ADGRG6: variants seen among roughly 807,000 people sequenced by gnomAD.
ADGRG6 encodes the protein G-protein coupled receptor 126.
ADGRG6 carries 84 observed loss-of-function variants against 142.4 expected under a neutral mutation model. That is an observed-to-expected ratio of 0.59 (90% CI 0.49 to 0.71). The LOEUF is 0.71. Ranked by LOEUF, ADGRG6 falls within the 30% of genes least tolerant of loss-of-function variation. ADGRG6 has a pLI of 0.00. For missense variants in ADGRG6, 1,367 were observed against 1,466.6 expected, an observed-to-expected ratio of 0.93 and a Z score of 1.11; for synonymous variants, 521 against 520.5, an observed-to-expected ratio of 1.00 and a Z score of -0.01.
Position 142,381,942 on chromosome 6 carries a change from T to A in ADGRG6, c.1070-9T>A, listed in dbSNP as rs1343206172. 1.3e-5 allele frequency: 21 copies of A among 1,556,440 alleles called. No individual in the cohort carries two copies. Among genetic ancestry groups the A allele is most frequent in the Non-Finnish European group, 1.8e-5 (20 of 1,135,672 alleles). ...ATCAAACTTACATATTCTTTTTGTG[T>A]TGATCAAGGTTCCTACCTGATCCCG... On this transcript the variant is annotated splice_polypyrimidine_tract_variant and intron_variant, in intron 4 of 24. Transcript: ENST00000367609.
rs1181314373 is a variant in ADGRG6, at chr6:142,338,017, G to GTTTTTTTTT, written c.103+28386_103+28394dup. On this transcript the variant is annotated intron_variant, in intron 2 of 24. Transcript: ENST00000367609. The stretch of plus-strand genomic sequence containing the variant: ...AATCCTTTTTATGCCTTGTATCTTT[G>GTTTTTTTTT]TTTTTTTTTTTTTTTTTTTTTGAGA... Among the ~76,000 whole-genome samples the GTTTTTTTTT allele has an allele frequency of 8.8e-4, 31 of 35,388 alleles. 11 individuals are homozygous for GTTTTTTTTT. The highest frequency in any genetic ancestry group is 1.2e-3 in the Non-Finnish European group (26 of 21,222). 23.2% of individuals were successfully genotyped at this position (35,388 alleles called of 152,430 possible).
intron 2 of ADGRG6, among the ~76,000 whole-genome samples, chr6:142,314,421 G>A (rs73578314): frequency 0.024 from 3,599 of 152,204 alleles, 146 homozygotes; most frequent in African/African-American, 0.082. Flanking sequence ...GTCATAATGT[G>A]GAGAGGGTTG....
chr6:142,352,799 T>C (rs575901128), intron 2 of ADGRG6, among the ~76,000 whole-genome samples: 179 of 151,860 alleles, frequency 1.2e-3, no homozygotes, highest in African/African-American at 4.1e-3. Context: ...AGTTCTCCCC[T>C]TTTTTTTGCT....
chr6:142,397,706 G>A lies in ADGRG6; in HGVS notation c.1518G>A (p.Glu506=). ...IIQQKLLKNN[E]SLDEGLRLHT... is the part of the protein sequence containing the mutation. The stretch of plus-strand genomic sequence containing the variant: ...AGCAGAAGCTCCTAAAAAATAATGA[G>A]TCCTTGGATGAAGGCTTGAGGCTAC... The change falls in exon 10 of 25, where the codon GAG becomes GAA. Residue 506 remains glutamate (E), a synonymous_variant. Transcript: ENST00000367609. 6.2e-7 allele frequency: 1 copy of A among 1,608,200 alleles called. No individual in the cohort carries two copies. Among genetic ancestry groups the A allele is most frequent in the Non-Finnish European group, 8.5e-7 (1 of 1,176,992 alleles).
intron 2 of ADGRG6, among the ~76,000 whole-genome samples, chr6:142,335,816 G>A (rs1186342194): frequency 6.6e-6 from 1 of 152,104 alleles, no homozygotes; most frequent in African/African-American, 2.4e-5. Flanking sequence ...ACTTAATGAT[G>A]TAAGAAGAAA....
intron 2 of ADGRG6, among the ~76,000 whole-genome samples, chr6:142,341,547 A>AT (rs1779641771): frequency 8.2e-6 from 1 of 122,052 alleles, no homozygotes; most frequent in Non-Finnish European, 1.6e-5. Flanking sequence ...AGTATATAAT[A>AT]TATAGTATAT....
At chr6:142,357,190 G>A (rs1780486164) in intron 2 of ADGRG6, among the ~76,000 whole-genome samples, 1 of 152,196 alleles carries the variant, frequency 6.6e-6, no homozygotes, top group Admixed American at 6.5e-5. Context: ...ACTTTTTAAA[G>A]TTCATTTTCA....
intron 2 of ADGRG6, among the ~76,000 whole-genome samples, chr6:142,347,113 G>T (rs974068260): frequency 5.3e-5 from 8 of 152,106 alleles, no homozygotes; most frequent in Non-Finnish European, 1.0e-4. Context: ...ATGTATGGAT[G>T]TATATATGAA....
At chr6:142,388,665 G>C (rs1238194324) in intron 6 of ADGRG6, among the ~76,000 whole-genome samples, 2 of 152,044 alleles carry the variant, frequency 1.3e-5, no homozygotes, top group Non-Finnish European at 2.9e-5. Flanking sequence ...TTATAATAAA[G>C]TGTTGAATAT....
At chr6:142,411,019 A>G (rs565579175) in intron 17 of ADGRG6, among the ~76,000 whole-genome samples, 33 of 152,262 alleles carry the variant, frequency 2.2e-4, no homozygotes, top group African/African-American at 7.2e-4. Context: ...GTGGAAGTTC[A>G]TTTTAAAATA....
chr6:142,408,293 T>A (rs759811651), intron 16 of ADGRG6, 24 bp downstream of exon 16: 15 of 1,534,602 alleles, frequency 9.8e-6, no homozygotes, highest in Non-Finnish European at 1.3e-5. Context: ...CCCAATAGCA[T>A]TTGGACAGAA....
intron 4 of ADGRG6, 123 bp downstream of exon 4, chr6:142,370,916 A>T: frequency 1.1e-6 from 1 of 946,606 alleles, no homozygotes; most frequent in South Asian, 1.5e-5. Context: ...ATATAGACAT[A>T]TATATATATG....
chr6:142,370,882 A>G, intron 4 of ADGRG6, 89 bp downstream of exon 4: 1 of 1,206,350 alleles, frequency 8.3e-7, no homozygotes, highest in Non-Finnish European at 1.2e-6. Context: ...ATACACACAA[A>G]TGTACCTGTA....
intron 2 of ADGRG6, among the ~76,000 whole-genome samples, chr6:142,344,529 A>G (rs960302906): frequency 9.2e-5 from 14 of 152,080 alleles, no homozygotes; most frequent in African/African-American, 3.4e-4. Context: ...AAGGCTTCTG[A>G]TTTCTAGGAT....
rs1554254145 is a variant in ADGRG6 at position 142,420,120 on chromosome 6, C to A, written c.3319+16C>A. 6.3e-7 allele frequency: 1 copy of A among 1,581,884 alleles called. No individual in the cohort carries two copies. The highest frequency in any genetic ancestry group is 8.7e-7 in the Non-Finnish European group (1 of 1,153,636). ...TCATTACAAGGTAAGATAAATTGTA[C>A]ATGAATAGTCTCTGCTTTCTAATTT... On this transcript the variant is annotated intron_variant, in intron 22 of 24. Coordinates refer to ENST00000367609, the MANE Select transcript of ADGRG6 (RefSeq NM_198569.3).
At chr6:142,323,778 G>A (rs1778630921) in intron 2 of ADGRG6, among the ~76,000 whole-genome samples, 1 of 151,928 alleles carries the variant, frequency 6.6e-6, no homozygotes, top group Non-Finnish European at 1.5e-5. Context: ...GAATGTGTCT[G>A]GGAAAGGTAC....
intron 4 of ADGRG6, 111 bp downstream of exon 4, chr6:142,370,904 A>G (rs768366928): frequency 1.0e-6 from 1 of 993,498 alleles, no homozygotes; most frequent in Non-Finnish European, 1.5e-6. Flanking sequence ...GTATATTCAC[A>G]CATATAGACA....
chr6:142,323,610 C>T (rs113066487), intron 2 of ADGRG6, among the ~76,000 whole-genome samples: 2,226 of 152,126 alleles, frequency 0.015, 48 homozygotes, highest in African/African-American at 0.05. Context: ...TAGGTGATTT[C>T]GTCACTGTGC....
At chr6:142,425,878 T>G (rs1339652231) in intron 22 of ADGRG6, among the ~76,000 whole-genome samples, 1 of 152,098 alleles carries the variant, frequency 6.6e-6, no homozygotes, top group East Asian at 1.9e-4. Context: ...AAGAGAGAGT[T>G]TGTGCAGAAA....
Sources: gnomAD v4.1 joint callset for allele counts (sites outside exome capture counted in the v4.1 genomes callset) on GRCh38, gnomAD v4.1.1 for gene constraint, MANE v1.5 for transcripts, NCBI Gene and HGNC (gene_info 2026-07-23, HGNC 2026-07-21) for gene names.